AAGAB: variants seen among roughly 807,000 people sequenced by gnomAD.
The protein encoded by AAGAB is alpha and gamma adaptin binding protein, also known as alpha- and gamma-adaptin-binding protein p34.
AAGAB carries 38 observed loss-of-function variants against 44.1 expected under a neutral mutation model. That is an observed-to-expected ratio of 0.86 (90% CI 0.67 to 1.13). The LOEUF (loss-of-function observed/expected upper bound fraction) is 1.13, where lower values mean the gene tolerates loss of function less well. Ranked by LOEUF, AAGAB falls within the 50% of genes most tolerant of loss-of-function variation. The pLI is 0.00. For missense variants in AAGAB, 450 were observed against 373.8 expected (o/e 1.20, Z -1.68); for synonymous variants, 131 against 131.8 (o/e 0.99, Z 0.04).
At chr15:67,228,301 A>C (rs1964251172) in intron 5 of AAGAB, among the ~76,000 whole-genome samples, 1 of 152,238 alleles carries the variant, frequency 6.6e-6, no homozygotes, top group East Asian at 1.9e-4. Flanking sequence ...GATCCAGTTT[A>C]TGTTCCAAAT....
Position 67,254,589 on chromosome 15 carries a change from A to C in AAGAB, c.43T>G (p.Ser15Ala). The C allele has an allele frequency of 6.2e-7, 1 of 1,610,038 alleles. No individual in the cohort carries two copies. The highest frequency in any genetic ancestry group is 8.5e-7 in the Non-Finnish European group (1 of 1,179,136). ...ACCAGCTGGTCTCCTGAGAAGACGG[A>C]GGAGCAGCTGGTGACTAACGCACAG... ...VPCALVTSCSSVFSGDQLVQH... is the reference protein window; with the variant it reads ...VPCALVTSCSAVFSGDQLVQH... The change falls in exon 1 of 10, where the codon TCC (serine) becomes GCC (alanine). Residue 15 changes from serine to alanine, a missense_variant. Ser to Ala is a moderately conservative substitution (Grantham distance 99). Transcript: ENST00000261880.
intron 5 of AAGAB, among the ~76,000 whole-genome samples, chr15:67,218,612 CCAGA>C (rs1964003334): frequency 6.6e-6 from 1 of 152,092 alleles, no homozygotes; most frequent in African/African-American, 2.4e-5. Flanking sequence ...ATTTGATGTA[CCAGA>C]CAAATTGAAA....
At position 67,208,582 on chromosome 15, in the gene AAGAB, G is replaced by C; in HGVS notation, c.695C>G (p.Ala232Gly). 1 of 1,613,998 alleles carries C rather than the reference G, an allele frequency of 6.2e-7. No individual in the cohort carries two copies. Among genetic ancestry groups the C allele is most frequent in the Non-Finnish European group, 8.5e-7 (1 of 1,179,948 alleles). The change falls in exon 7 of 10, where the codon GCC becomes GGC. Residue 232 changes from alanine to glycine, a missense_variant. Physicochemically the swap from Ala to Gly is moderately conservative, Grantham distance 60 (BLOSUM62 0). Transcript: ENST00000261880. ...HRGGASNTTD[A>G]QVDSIVDPML... is the part of the protein sequence containing the mutation. ...CTTACCCACAATGCTATCAACCTGG[G>C]CATCTGTTGTGTTAGATGCACCACC...
chr15:67,215,782 T>C (rs1963930322), intron 5 of AAGAB, among the ~76,000 whole-genome samples: 1 of 152,228 alleles, frequency 6.6e-6, no homozygotes, highest in South Asian at 2.1e-4. Context: ...GATATTACAA[T>C]CCACTTCTTG....
chr15:67,235,900 G>C, intron 4 of AAGAB, 79 bp downstream of exon 4: 1 of 1,103,932 alleles, frequency 9.1e-7, no homozygotes, highest in Non-Finnish European at 1.3e-6. Context: ...CTTGAATTTT[G>C]CTGTGATTCT....
At chr15:67,231,766 T>C in intron 5 of AAGAB, 48 bp downstream of exon 5, 4 of 1,430,790 alleles carry the variant, frequency 2.8e-6, no homozygotes, top group Non-Finnish European at 2.0e-6. Flanking sequence ...AATTTAAAAC[T>C]TACAAGGAAC....
At chr15:67,215,180 C>T (rs1284114033) in intron 5 of AAGAB, among the ~76,000 whole-genome samples, 3 of 151,988 alleles carry the variant, frequency 2.0e-5, no homozygotes, top group East Asian at 3.9e-4. Context: ...ATACTCATCT[C>T]GAGTCAAAAT....
intron 1 of AAGAB, among the ~76,000 whole-genome samples, chr15:67,237,205 T>C (rs1286594287): frequency 6.6e-6 from 1 of 152,204 alleles, no homozygotes; most frequent in Non-Finnish European, 1.5e-5. Flanking sequence ...CTTCTAGAAT[T>C]TGTAACTATT....
intron 5 of AAGAB, among the ~76,000 whole-genome samples, chr15:67,229,732 G>A (rs1224577969): frequency 6.6e-6 from 1 of 152,010 alleles, no homozygotes; most frequent in Non-Finnish European, 1.5e-5. Flanking sequence ...TAACACTCAA[G>A]GGTCTACCAA....
chr15:67,205,050 T>C (rs1963655221), intron 7 of AAGAB, among the ~76,000 whole-genome samples: 1 of 152,190 alleles, frequency 6.6e-6, no homozygotes. Flanking sequence ...AACAGCCCTA[T>C]GAGGAAAGAT....
intron 5 of AAGAB, among the ~76,000 whole-genome samples, chr15:67,212,884 T>C (rs564159239): frequency 2.4e-4 from 36 of 152,344 alleles, no homozygotes; most frequent in African/African-American, 8.7e-4. Flanking sequence ...CATAAATCTT[T>C]TCGTGCTTGC....
chr15:67,213,370 T>TA (rs889393624), intron 5 of AAGAB, among the ~76,000 whole-genome samples: 1 of 152,220 alleles, frequency 6.6e-6, no homozygotes, highest in South Asian at 2.1e-4. Flanking sequence ...AATAAGAAGT[T>TA]AAAAAAACTT....
intron 1 of AAGAB, among the ~76,000 whole-genome samples, chr15:67,252,203 T>C (rs1425265334): frequency 2.6e-5 from 4 of 152,374 alleles, no homozygotes; most frequent in African/African-American, 9.6e-5. Context: ...GCAGGGACCA[T>C]GTTTGCCGAT....
chr15:67,205,534 A>G (rs1963665426), intron 7 of AAGAB, among the ~76,000 whole-genome samples: 1 of 152,248 alleles, frequency 6.6e-6, no homozygotes, highest in South Asian at 2.1e-4. Flanking sequence ...TATCTACCAA[A>G]GAAAGAGAAG....
intron 5 of AAGAB, among the ~76,000 whole-genome samples, chr15:67,220,819 T>A (rs1248290464): frequency 6.6e-6 from 1 of 152,218 alleles, no homozygotes; most frequent in African/African-American, 2.4e-5. Flanking sequence ...TAGGTACAAC[T>A]GTCATTAATG....
intron 1 of AAGAB, among the ~76,000 whole-genome samples, chr15:67,246,972 C>T (rs980153244): frequency 2.0e-5 from 3 of 152,312 alleles, no homozygotes; most frequent in Middle Eastern, 3.4e-3. Flanking sequence ...TTGCTCTTTA[C>T]AATAAATCTT....
At chr15:67,254,925 C>T (rs997305878), upstream of AAGAB, 2 of 1,613,754 alleles carry the variant, frequency 1.2e-6, no homozygotes, top group Non-Finnish European at 8.5e-7. Flanking sequence ...AACCACGACC[C>T]TGTCGGATCC....
At chr15:67,226,888 C>T (rs777615088) in intron 5 of AAGAB, 10 of 286,302 alleles carry the variant, frequency 3.5e-5, no homozygotes, top group East Asian at 1.3e-4. Flanking sequence ...TCATCTCTTA[C>T]GTTTTTAATT....
At chr15:67,223,781 C>T (rs1964138050) in intron 5 of AAGAB, among the ~76,000 whole-genome samples, 1 of 152,152 alleles carries the variant, frequency 6.6e-6, no homozygotes, top group African/African-American at 2.4e-5. Context: ...GCCTTCAAAG[C>T]CCCAAATAAT....
Sources: allele counts gnomAD v4.1 joint callset (sites outside exome capture counted in the v4.1 genomes callset), GRCh38; gene constraint gnomAD v4.1.1; transcripts MANE v1.5; gene names NCBI Gene and HGNC (gene_info 2026-07-23, HGNC 2026-07-21).